KCNQ3: variants seen among roughly 807,000 people sequenced by gnomAD.
KCNQ3 encodes potassium voltage-gated channel subfamily Q member 3.
Under a neutral mutation model 92.5 loss-of-function variants are expected in KCNQ3, and 30 were observed. That is an observed-to-expected ratio of 0.32 (90% CI 0.24 to 0.44). The LOEUF (loss-of-function observed/expected upper bound fraction) is 0.44. KCNQ3 is among the 20% of genes least tolerant of loss of function. The probability of loss-of-function intolerance (pLI) is 1.00; values close to 1 mark genes in which losing one functional copy is unlikely to be tolerated. For synonymous variants in KCNQ3, 450 were observed against 468.8 expected (o/e 0.96, Z 0.52); for missense variants, 913 against 1,140.3 (o/e 0.80, Z 2.87).
chr8:132,163,131 CA>C (rs1354993383), intron 9 of KCNQ3, among the ~76,000 whole-genome samples: 1 of 152,144 alleles, frequency 6.6e-6, no homozygotes, highest in Non-Finnish European at 1.5e-5. Context: ...AATCTCAACC[CA>C]ACCTCTCTGA....
chr8:132,383,305 G>GA (rs1367422214), intron 1 of KCNQ3, among the ~76,000 whole-genome samples: 1 of 152,200 alleles, frequency 6.6e-6, no homozygotes, highest in East Asian at 1.9e-4. Flanking sequence ...ATTTTCTCAT[G>GA]AAAAATGGCT....
At chr8:132,242,708 A>G (rs1314975925) in intron 1 of KCNQ3, among the ~76,000 whole-genome samples, 1 of 152,242 alleles carries the variant, frequency 6.6e-6, no homozygotes, top group African/African-American at 2.4e-5. Flanking sequence ...GTAGGTACCA[A>G]ATGAATATTT....
intron 1 of KCNQ3, among the ~76,000 whole-genome samples, chr8:132,283,499 A>G (rs1816592753): frequency 6.6e-6 from 1 of 152,210 alleles, no homozygotes; most frequent in Admixed American, 6.5e-5. Flanking sequence ...TATGTTCTGC[A>G]TTTTGCTGGC....
chr8:132,325,437 G>A (rs114037954), intron 1 of KCNQ3, among the ~76,000 whole-genome samples: 129 of 152,206 alleles, frequency 8.5e-4, no homozygotes, highest in African/African-American at 2.6e-3. Flanking sequence ...AAATTAATAC[G>A]TTGAAGTCCT....
chr8:132,184,248 G>A lies in KCNQ3; in HGVS notation c.597C>T (p.Cys199=). Residue 199 remains cysteine (C), a synonymous_variant, in exon 3 of 15, where the codon TGC becomes TGT. Coordinates refer to ENST00000388996, the MANE Select transcript of KCNQ3 (RefSeq NM_004519.4). ...GRLKFARKPL[C]MLDIFVLIAS... ...CTCAGGGTCAGGACTTACCCAACAT[G>A]CACAGGGGCTTCCTGGCAAACTTCA... The A allele has an allele frequency of 1.9e-6, 3 of 1,614,174 alleles. No individual in the cohort carries two copies. Among genetic ancestry groups the A allele is most frequent in the Non-Finnish European group, 2.5e-6 (3 of 1,180,036 alleles).
intron 1 of KCNQ3, among the ~76,000 whole-genome samples, chr8:132,247,706 G>C (rs1314946341): frequency 1.3e-5 from 2 of 152,016 alleles, no homozygotes; most frequent in East Asian, 3.9e-4. Flanking sequence ...GCTGAGGCAG[G>C]AGAATCGCTT....
intron 1 of KCNQ3, among the ~76,000 whole-genome samples, chr8:132,433,823 G>A (rs1156711425): frequency 2.0e-5 from 3 of 152,196 alleles, no homozygotes; most frequent in Non-Finnish European, 4.4e-5. Context: ...CCAGGAGGCG[G>A]AGGTTGCAGT....
intron 9 of KCNQ3, among the ~76,000 whole-genome samples, chr8:132,151,386 C>T (rs747575421): frequency 2.0e-4 from 31 of 152,084 alleles, no homozygotes; most frequent in Non-Finnish European, 3.1e-4. Flanking sequence ...AAATTCTTGC[C>T]TAAGGCTAAA....
intron 1 of KCNQ3, chr8:132,187,250 G>C (rs771411854): frequency 4.4e-6 from 2 of 455,992 alleles, no homozygotes; most frequent in Non-Finnish European, 4.4e-6. Context: ...AATGGCAGAC[G>C]TTGCGCATAC....
chr8:132,346,443 A>G (rs1180448862), intron 1 of KCNQ3, among the ~76,000 whole-genome samples: 2 of 152,154 alleles, frequency 1.3e-5, no homozygotes, highest in African/African-American at 4.8e-5. Context: ...AAAGGTCGGG[A>G]TGACTCAGCA....
At chr8:132,223,414 T>C (rs977811379) in intron 1 of KCNQ3, among the ~76,000 whole-genome samples, 3 of 152,108 alleles carry the variant, frequency 2.0e-5, no homozygotes, top group Non-Finnish European at 4.4e-5. Context: ...GTACAAAAAC[T>C]TGTGGGAGCC....
chr8:132,400,072 C>G (rs529887249), intron 1 of KCNQ3, among the ~76,000 whole-genome samples: 1 of 152,322 alleles, frequency 6.6e-6, no homozygotes, highest in African/African-American at 2.4e-5. Flanking sequence ...GCAAAGACAC[C>G]TAGGCAGACC....
chr8:132,188,757 C>A (rs188114844), intron 1 of KCNQ3, among the ~76,000 whole-genome samples: 119 of 152,282 alleles, frequency 7.8e-4, no homozygotes, highest in African/African-American at 2.8e-3. Context: ...GAAAACAGGA[C>A]AAATAATTAC....
chr8:132,200,529 AT>A (rs1365828451), intron 1 of KCNQ3, among the ~76,000 whole-genome samples: 8 of 152,318 alleles, frequency 5.3e-5, no homozygotes, highest in East Asian at 1.9e-4. Context: ...CAGAAAAAAA[AT>A]ATTTAAAACT....
intron 1 of KCNQ3, among the ~76,000 whole-genome samples, chr8:132,453,927 A>G (rs1821882642): frequency 6.6e-6 from 1 of 152,180 alleles, no homozygotes; most frequent in Non-Finnish European, 1.5e-5. Flanking sequence ...GCAGCTTCCA[A>G]TGCCAGTGTT....
At chr8:132,310,897 T>G (rs928900255) in intron 1 of KCNQ3, among the ~76,000 whole-genome samples, 5 of 152,114 alleles carry the variant, frequency 3.3e-5, no homozygotes, top group Admixed American at 2.6e-4. Flanking sequence ...AAGCAGCAGA[T>G]GTTCACTATA....
chr8:132,458,002 T>C (rs72721094), intron 1 of KCNQ3, among the ~76,000 whole-genome samples: 21,545 of 152,122 alleles, frequency 0.14, 1,593 homozygotes, highest in African/African-American at 0.15. Flanking sequence ...GTCCAGACGA[T>C]GAGGTCTTTG....
At chr8:132,326,966 C>T (rs1818072863) in intron 1 of KCNQ3, among the ~76,000 whole-genome samples, 1 of 152,230 alleles carries the variant, frequency 6.6e-6, no homozygotes, top group African/African-American at 2.4e-5. Flanking sequence ...TCCACCCTAA[C>T]ACCTACAGCC....
intron 1 of KCNQ3, among the ~76,000 whole-genome samples, chr8:132,227,163 A>G (rs1814456532): frequency 6.6e-6 from 1 of 150,814 alleles, no homozygotes; most frequent in Non-Finnish European, 1.5e-5. Context: ...CCCTGGTTCA[A>G]CTGATTCTCC....
Sources: gnomAD v4.1 joint callset for allele counts (sites outside exome capture counted in the v4.1 genomes callset) on GRCh38, gnomAD v4.1.1 for gene constraint, MANE v1.5 for transcripts, NCBI Gene and HGNC (gene_info 2026-07-23, HGNC 2026-07-21) for gene names.